UNC13C: variants seen among roughly 807,000 people sequenced by gnomAD.
UNC13C encodes the protein protein unc-13 homolog C.
In UNC13C, 174 loss-of-function variants were observed where a neutral mutation model predicts 245.4. The ratio of observed to expected loss-of-function variants is 0.71; its 90% CI spans 0.63 to 0.80. UNC13C has a LOEUF of 0.80. Ranked by LOEUF, UNC13C falls within the 30% of genes least tolerant of loss-of-function variation. The probability of loss-of-function intolerance (pLI) is 0.00; values close to 1 mark genes in which losing one functional copy is unlikely to be tolerated. For missense variants in UNC13C, 2,829 were observed against 2,602.9 expected, an observed-to-expected ratio of 1.09 and a Z score of -1.89; for synonymous variants, 992 against 895.1, an observed-to-expected ratio of 1.11 and a Z score of -1.93.
chr15:53,899,604 C>A, the UNC13C span, among the ~76,000 whole-genome samples: 3 of 151,974 alleles, frequency 2.0e-5, no homozygotes, highest in Middle Eastern at 3.4e-3. Context: ...TTTTTTTAGA[C>A]GGAGTTTCAC....
the UNC13C span, among the ~76,000 whole-genome samples, chr15:53,923,900 A>G: frequency 3.9e-5 from 6 of 152,246 alleles, no homozygotes; most frequent in African/African-American, 1.4e-4. Context: ...GGTAAGGGCA[A>G]AGGTTATTCA....
chr15:54,302,107 C>T (rs1388388396), intron 13 of UNC13C, among the ~76,000 whole-genome samples: 1 of 152,114 alleles, frequency 6.6e-6, no homozygotes, highest in Non-Finnish European at 1.5e-5. Context: ...AGTGTAAGTA[C>T]ATATCCTTTG....
intron 8 of UNC13C, among the ~76,000 whole-genome samples, chr15:54,253,294 G>A (rs770011571): frequency 1.3e-5 from 2 of 152,164 alleles, no homozygotes; most frequent in Non-Finnish European, 2.9e-5. Context: ...CACTGCTCCA[G>A]TGCTTCCTTG....
intron 18 of UNC13C, among the ~76,000 whole-genome samples, chr15:54,407,050 T>A (rs1233334477): frequency 6.6e-6 from 1 of 152,112 alleles, no homozygotes; most frequent in African/African-American, 2.4e-5. Context: ...GGCCAGATGG[T>A]CAGAGCAGGA....
At chr15:54,484,141 G>A (rs1031217087) in intron 19 of UNC13C, among the ~76,000 whole-genome samples, 2 of 151,880 alleles carry the variant, frequency 1.3e-5, no homozygotes, top group African/African-American at 4.8e-5. Flanking sequence ...TCTCTTATAT[G>A]CATTCATACC....
Position 54,500,822 on chromosome 15 carries a change from C to G in UNC13C, c.5158-13C>G, listed in dbSNP as rs1217269623. On this transcript the variant is annotated splice_polypyrimidine_tract_variant and intron_variant, in intron 21 of 32. Transcript: ENST00000260323. ...TGTACTGTTTGGGATGGTTTCACCT[C>G]CTCTCCCCACAGTTCCAGCAGACAT... 1 of 1,611,646 alleles carries G rather than the reference C, an allele frequency of 6.2e-7. No homozygotes were observed. Among genetic ancestry groups the G allele is most frequent in the African/African-American group, 1.3e-5 (1 of 74,788 alleles).
chr15:54,519,257 G>C (rs1173365368), intron 24 of UNC13C, among the ~76,000 whole-genome samples: 2 of 152,042 alleles, frequency 1.3e-5, no homozygotes, highest in African/African-American at 4.8e-5. Flanking sequence ...ATGTATAAGA[G>C]AAAAGAATGT....
chr15:54,206,988 G>A (rs1207559176), intron 4 of UNC13C, among the ~76,000 whole-genome samples: 2 of 151,984 alleles, frequency 1.3e-5, no homozygotes. Context: ...AAAACCCAAG[G>A]TACCCTAAGT....
chr15:54,561,168 A>T (rs1897283245), intron 29 of UNC13C, among the ~76,000 whole-genome samples: 1 of 151,996 alleles, frequency 6.6e-6, no homozygotes, highest in Admixed American at 6.6e-5. Context: ...CTATAAGAGC[A>T]CAGCCCTGGT....
intron 4 of UNC13C, among the ~76,000 whole-genome samples, chr15:54,222,666 A>C (rs961108314): frequency 5.3e-5 from 8 of 152,066 alleles, no homozygotes; most frequent in Non-Finnish European, 1.0e-4. Flanking sequence ...AGGAACCTCC[A>C]AACTGATCTC....
At position 54,015,736 on chromosome 15, in the gene UNC13C, A is replaced by G; in HGVS notation, c.2833A>G (p.Met945Val). 3.7e-6 allele frequency: 6 copies of G among 1,613,516 alleles called. No individual in the cohort carries two copies. In the South Asian group the frequency reaches 5.5e-5, roughly 15 times the overall value. The change falls in exon 2 of 33, where the codon ATG (methionine) becomes GTG (valine). Residue 945 changes from methionine (M) to valine (V), a missense_variant. Transcript: ENST00000260323. ...LEPLNETSAE[M>V]EIREDENQNI... ...ACCCTTAAATGAAACATCAGCTGAG[A>G]TGGAAATAAGAGAAGATGAAAACCA...
In UNC13C at chr15:54,547,730, C is replaced by A. The variant is rs368048606; in HGVS notation, c.5820+885C>A. On this transcript the variant is annotated intron_variant, in intron 27 of 32. Transcript: ENST00000260323. ...AAAATATAAATTACTTTGAGTTTCGCTTAATGCCATGAATGTGTGCTTTAA... is the reference window on the plus strand; with the variant it reads ...AAAATATAAATTACTTTGAGTTTCGATTAATGCCATGAATGTGTGCTTTAA... 6.6e-4 allele frequency among the ~76,000 whole-genome samples: 101 copies of A among 152,250 alleles called. 1 individual carries two copies. Among genetic ancestry groups the A allele is most frequent in the African/African-American group, 2.4e-3 (101 of 41,544 alleles).
intron 10 of UNC13C, among the ~76,000 whole-genome samples, chr15:54,286,000 C>T (rs1219534008): frequency 6.6e-6 from 1 of 152,068 alleles, no homozygotes; most frequent in East Asian, 1.9e-4. Context: ...GCCTTAGCCT[C>T]CTGAGTAGCT....
chr15:54,334,932 C>T (rs980301902), intron 16 of UNC13C, among the ~76,000 whole-genome samples: 2 of 151,988 alleles, frequency 1.3e-5, no homozygotes, highest in Non-Finnish European at 2.9e-5. Context: ...TGTAACTATT[C>T]TTCCCCAACC....
At chr15:54,618,406 A>G (rs1029973415) in intron 30 of UNC13C, among the ~76,000 whole-genome samples, 2 of 152,184 alleles carry the variant, frequency 1.3e-5, no homozygotes, top group African/African-American at 2.4e-5. Flanking sequence ...AATAAGCAAG[A>G]CTATATAACA....
At chr15:54,611,787 A>G (rs1900113155) in intron 30 of UNC13C, 1 of 152,166 alleles carries the variant, frequency 6.6e-6, no homozygotes, top group Admixed American at 6.5e-5. Flanking sequence ...TGGAATTGGA[A>G]AACAATAGAA....
chr15:53,899,891 C>T, the UNC13C span, among the ~76,000 whole-genome samples: 1 of 152,166 alleles, frequency 6.6e-6, no homozygotes, highest in Admixed American at 6.5e-5. Flanking sequence ...TATTGTCCTT[C>T]CCATGAGAAA....
At chr15:54,289,963 A>C (rs184835965) in intron 10 of UNC13C, among the ~76,000 whole-genome samples, 442 of 152,208 alleles carry the variant, frequency 2.9e-3, no homozygotes, top group Admixed American at 5.7e-3. Context: ...GAGCAATACA[A>C]GGAGGGATCT....
At chr15:54,554,141 G>C (rs1414798344) in intron 28 of UNC13C, among the ~76,000 whole-genome samples, 1 of 151,946 alleles carries the variant, frequency 6.6e-6, no homozygotes, top group Admixed American at 6.6e-5. Flanking sequence ...CACATTGAAG[G>C]AAGTACAATC....
Sources: gnomAD v4.1 joint callset for allele counts (sites outside exome capture counted in the v4.1 genomes callset) on GRCh38, gnomAD v4.1.1 for gene constraint, MANE v1.5 for transcripts, NCBI Gene and HGNC (gene_info 2026-07-23, HGNC 2026-07-21) for gene names.